The following BMP1 variants were observed in gnomAD, a reference collection of about 807,000 sequenced individuals.
The protein encoded by BMP1 is bone morphogenetic protein 1.
Under a neutral mutation model 116.8 loss-of-function variants are expected in BMP1, and 63 were observed. That is an observed-to-expected ratio of 0.54 (90% CI 0.44 to 0.67). The LOEUF (loss-of-function observed/expected upper bound fraction) is 0.67. Ranked by LOEUF, BMP1 falls within the 30% of genes least tolerant of loss-of-function variation. The pLI is 0.00. For missense variants in BMP1, 1,183 were observed against 1,358.9 expected, an observed-to-expected ratio of 0.87 and a Z score of 2.04; for synonymous variants, 536 against 533.4, an observed-to-expected ratio of 1.00 and a Z score of -0.07.
rs114238020 is a variant in BMP1, at chr8:22,211,093, G to T, written c.2827-501G>T. Among the ~76,000 whole-genome samples, 1,386 of 152,270 alleles carry T rather than the reference G, an allele frequency of 9.1e-3. 13 individuals carry two copies. Among genetic ancestry groups the T allele is most frequent in the African/African-American group, 0.032 (1,315 of 41,546 alleles). On this transcript the variant is annotated intron_variant, in intron 19 of 19. Transcript: ENST00000306385. ...GGGATGGCAGAGTCCAGGCCTGGGGGGCACTGTGCTTCTCTCCAAAACTTC... is the reference window on the plus strand; with the variant it reads ...GGGATGGCAGAGTCCAGGCCTGGGGTGCACTGTGCTTCTCTCCAAAACTTC...
chr8:22,204,820 G>A (rs544656539), intron 16 of BMP1, among the ~76,000 whole-genome samples: 13 of 151,518 alleles, frequency 8.6e-5, no homozygotes, highest in South Asian at 6.2e-4. Flanking sequence ...GAGACCTGCC[G>A]TGAGAGTGTG....
In BMP1 at chr8:22,177,081, A is replaced by G. The variant is rs768190871; in HGVS notation, c.672A>G (p.Glu224=). ...GCCACGTCGTCGGCTTCTGGCACGAACACACTCGGCCAGACCGGGACCGCC... is the reference window on the plus strand; with the variant it reads ...GCCACGTCGTCGGCTTCTGGCACGAGCACACTCGGCCAGACCGGGACCGCC... ...ELGHVVGFWH[E]HTRPDRDRHV... The change falls in exon 5 of 20, where the codon GAA becomes GAG. Residue 224 remains glutamate (E), a synonymous_variant. Coordinates refer to ENST00000306385, the MANE Select transcript of BMP1 (RefSeq NM_006129.5). 3.7e-6 allele frequency: 6 copies of G among 1,612,436 alleles called. No individual in the cohort carries two copies.
At position 22,181,616 on chromosome 8, in the gene BMP1, G is replaced by A. The variant is rs565772359; in HGVS notation, c.1077+1133G>A. ...CACCCAAGGTGGAGTGCAGTGGCGC[G>A]ATCTCAGCTCACTGCAACCTCTGCC... On this transcript the variant is annotated intron_variant, in intron 8 of 19. Coordinates refer to ENST00000306385, the MANE Select transcript of BMP1 (RefSeq NM_006129.5). Among the ~76,000 whole-genome samples the A allele has an allele frequency of 9.5e-4, 144 of 151,012 alleles. 1 individual carries two copies. The highest frequency in any genetic ancestry group is 1.6e-3 in the Admixed American group (24 of 15,122).
chr8:22,167,526 T>A (rs1364355624), intron 1 of BMP1, among the ~76,000 whole-genome samples: 1 of 152,152 alleles, frequency 6.6e-6, no homozygotes, highest in Non-Finnish European at 1.5e-5. Context: ...GAAGCCATTC[T>A]GATGTCTTTC....
chr8:22,196,634 T>C (rs1287341545), intron 13 of BMP1, 46 bp from the exon 14 acceptor site: 4 of 1,611,164 alleles, frequency 2.5e-6, no homozygotes, highest in South Asian at 2.2e-5. Flanking sequence ...CCCTTCCCCA[T>C]GGCAGGGGCT....
At chr8:22,208,929 C>T (rs1829412550) in intron 18 of BMP1, among the ~76,000 whole-genome samples, 1 of 152,246 alleles carries the variant, frequency 6.6e-6, no homozygotes, top group African/African-American at 2.4e-5. Context: ...GCACTGTCCT[C>T]TGCCCTTCCC....
In BMP1 at chr8:22,179,916, T is replaced by G. The variant is rs1372026667; in HGVS notation, c.961+87T>G. The G allele has an allele frequency of 7.2e-7, 1 of 1,390,498 alleles. No homozygotes were observed. Among genetic ancestry groups the G allele is most frequent in the Non-Finnish European group, 9.8e-7 (1 of 1,018,648 alleles). The allele number at this position is 1,390,498 out of a possible 1,614,324, so 86.1% of individuals were successfully genotyped here. A position where few individuals can be genotyped will look rare whatever the true frequency, so the allele number is the denominator to read the frequency against. ...AGGTGCCTGGTGCCACCAAGAAGGC[T>G]TAGGCTGCAAGTCTTAGAGAATGGT... On this transcript the variant is annotated intron_variant, in intron 7 of 19. Transcript: ENST00000306385. This position sits in a 1 kb window ranked among gnomAD's most constrained non-coding sequence, Gnocchi z 4.6.
rs531659484 is a variant in BMP1 at position 22,186,886 on chromosome 8, A to T, written c.1078-5163A>T. On this transcript the variant is annotated intron_variant, in intron 8 of 19. Transcript: ENST00000306385. ...GTCTCCTCCTCATAAAGGTATGAGG[A>T]TTAAACAAATTAATATACATAAAGT... Among the ~76,000 whole-genome samples the T allele has an allele frequency of 1.8e-4, 28 of 152,370 alleles. No homozygotes were observed. The South Asian group carries it at 5.8e-3, about 32-fold the overall frequency.
rs145762079 is a variant in BMP1, at chr8:22,189,240, A to T, written c.1078-2809A>T. 3.1e-3 allele frequency among the ~76,000 whole-genome samples: 473 copies of T among 152,128 alleles called. 3 individuals carry two copies. The highest frequency in any genetic ancestry group is 0.011 in the African/African-American group (459 of 41,490). ...CATGGATGAGTATATATGTATGTAT[A>T]TATATACAAGACAAAAAGGAATTGT... On this transcript the variant is annotated intron_variant, in intron 8 of 19. Transcript: ENST00000306385.
At chr8:22,182,044 C>T (rs929497259) in intron 8 of BMP1, among the ~76,000 whole-genome samples, 19 of 152,196 alleles carry the variant, frequency 1.2e-4, no homozygotes, top group Non-Finnish European at 2.8e-4. Context: ...CTCTGGACCT[C>T]CGCACCAACC....
At chr8:22,209,021 A>T (rs528311454) in intron 18 of BMP1, among the ~76,000 whole-genome samples, 23 of 152,334 alleles carry the variant, frequency 1.5e-4, no homozygotes, top group African/African-American at 4.3e-4. Flanking sequence ...TGTTTTTTTT[A>T]AAAATGTGAG....
rs576407964 is a variant in BMP1, at chr8:22,173,018, A to G, written c.149-584A>G. On this transcript the variant is annotated intron_variant, in intron 1 of 19. Transcript: ENST00000306385. Reference sequence around the variant, plus strand: ...CTGTTTTATTTTCTTCATAGCTCCCATTGCTATCTGGAAGACCCTAGGTCA... The same window carrying G: ...CTGTTTTATTTTCTTCATAGCTCCCGTTGCTATCTGGAAGACCCTAGGTCA... Among the ~76,000 whole-genome samples, 155 of 152,196 alleles carry G rather than the reference A, an allele frequency of 1.0e-3. 1 individual carries two copies. Among genetic ancestry groups the G allele is most frequent in the South Asian group, 1.7e-3 (8 of 4,822 alleles).
Position 22,187,336 on chromosome 8 carries a change from T to A in BMP1, c.1078-4713T>A, listed in dbSNP as rs757963003. Among the ~76,000 whole-genome samples the A allele has an allele frequency of 1.8e-4, 27 of 150,222 alleles. No individual in the cohort carries two copies. In the South Asian group the frequency reaches 1.9e-3, roughly 10 times the overall value. On this transcript the variant is annotated intron_variant, in intron 8 of 19. Coordinates refer to ENST00000306385, the MANE Select transcript of BMP1 (RefSeq NM_006129.5). The stretch of plus-strand genomic sequence containing the variant: ...ATTTTAATTAATTAATTAATTTATT[T>A]ATTTATTTATTTTGAGATGGAGTCT...
rs1829421954 is a variant in BMP1, at chr8:22,209,446, G to A, written c.2577G>A (p.Glu859=). ...GTTGGCCCCTCTTGTCCCCTACAGAGTGCGGGGGCCAGGTACGGGCAGACG... is the reference window on the plus strand; with the variant it reads ...GTTGGCCCCTCTTGTCCCCTACAGAATGCGGGGGCCAGGTACGGGCAGACG... ...RKGFQASHAT[E]CGGQVRADVK... is the part of the protein sequence containing the mutation. The change falls in exon 19 of 20, where the codon GAG becomes GAA. Residue 859 remains glutamate (E), a splice_region_variant and synonymous_variant. Coordinates refer to ENST00000306385, the MANE Select transcript of BMP1 (RefSeq NM_006129.5). 1.2e-6 allele frequency: 2 copies of A among 1,614,144 alleles called. No individual in the cohort carries two copies. Among genetic ancestry groups the A allele is most frequent in the Non-Finnish European group, 1.7e-6 (2 of 1,179,998 alleles).
Position 22,211,807 on chromosome 8 carries a change from C to CA in BMP1, c.*81dup, listed in dbSNP as rs1438945546. The CA allele has an allele frequency of 1.2e-6, 2 of 1,600,048 alleles. No homozygotes were observed. Among genetic ancestry groups the CA allele is most frequent in the Non-Finnish European group, 1.7e-6 (2 of 1,172,324 alleles). On this transcript the variant is annotated 3_prime_UTR_variant, in exon 20 of 20. Coordinates refer to ENST00000306385, the MANE Select transcript of BMP1 (RefSeq NM_006129.5). ...CTGGATAGTGGGGGTGGGCGGAAGG[C>CA]AACGCACCATCCCTCTCCCCCAGGC... is the stretch of plus-strand genomic sequence containing the variant.
chr8:22,193,470 A>G (rs1828991169), intron 9 of BMP1, among the ~76,000 whole-genome samples: 1 of 152,232 alleles, frequency 6.6e-6, no homozygotes, highest in Non-Finnish European at 1.5e-5. Flanking sequence ...AATAGAACAC[A>G]TATATAGTTG....
At chr8:22,177,161 C>T (rs747623309) in intron 5 of BMP1, 22 bp downstream of exon 5, 3 of 1,573,454 alleles carry the variant, frequency 1.9e-6, no homozygotes, top group Non-Finnish European at 2.6e-6. Flanking sequence ...CCCCTCGGTG[C>T]GGCCTTGGTG....
rs147951840 is a variant in BMP1, at chr8:22,175,494, A to G, written c.263-649A>G. 2.7e-3 allele frequency among the ~76,000 whole-genome samples: 412 copies of G among 152,360 alleles called. 4 individuals are homozygous for G. The highest frequency in any genetic ancestry group is 9.5e-3 in the African/African-American group (394 of 41,584). Reference sequence around the variant, plus strand: ...GTACAGTCACTGAAAACATTAGCAAATACTGACCCATTGCTCCTAGGGAAA... The same window carrying G: ...GTACAGTCACTGAAAACATTAGCAAGTACTGACCCATTGCTCCTAGGGAAA... On this transcript the variant is annotated intron_variant, in intron 2 of 19. Transcript: ENST00000306385.
Position 22,176,200 on chromosome 8 carries a change from G to A in BMP1, c.320G>A (p.Gly107Glu). ...CQSTNGQPQR[G>E]ACGRWRGRSR... ...AGCACCAACGGGCAGCCTCAGAGGG[G>A]AGCCTGTGGGAGATGGAGAGGTAGA... Residue 107 changes from glycine (G) to glutamate (E), a missense_variant, in exon 3 of 20, where the codon GGA (glycine) becomes GAA (glutamate). Transcript: ENST00000306385. The A allele has an allele frequency of 6.2e-7, 1 of 1,614,140 alleles. No individual in the cohort carries two copies. The highest frequency in any genetic ancestry group is 1.1e-5 in the South Asian group (1 of 91,074).
Sources: gnomAD v4.1 joint callset for allele counts (sites outside exome capture counted in the v4.1 genomes callset) on GRCh38, gnomAD v4.1.1 for gene constraint, Gnocchi (gnomAD v3.1) non-coding constraint, MANE v1.5 for transcripts, NCBI Gene and HGNC (gene_info 2026-07-23, HGNC 2026-07-21) for gene names.